Variants in SLC12A7 observed in about 807,000 individuals in gnomAD.
The protein encoded by SLC12A7 is solute carrier family 12 member 7, also known as K-Cl cotransporter 4.
In SLC12A7, 100 loss-of-function variants were observed where a neutral mutation model predicts 120.6. That is an observed-to-expected ratio of 0.83 (90% CI 0.71 to 0.98). The LOEUF (loss-of-function observed/expected upper bound fraction) is 0.98, where lower values mean the gene tolerates loss of function less well. Ranked by LOEUF, SLC12A7 falls within the 50% of genes least tolerant of loss-of-function variation. The pLI, the probability that SLC12A7 is intolerant of heterozygous loss-of-function variation, is 0.00. For synonymous variants in SLC12A7, 760 were observed against 678.0 expected (o/e 1.12, Z -1.88); for missense variants, 1,373 against 1,548.1 (o/e 0.89, Z 1.90).
At position 1,074,208 on chromosome 5, in the gene SLC12A7, G is replaced by A. The variant is rs191037412; in HGVS notation, c.2072+359C>T. The stretch of plus-strand genomic sequence containing the variant: ...GGCCCGGGGCACACCCGAGGCCCCC[G>A]CCGAGGCCCCTGAGGGGACAATGGC... On this transcript the variant is annotated intron_variant, in intron 16 of 23. Coordinates refer to ENST00000264930, the MANE Select transcript of SLC12A7 (RefSeq NM_006598.3). Among the ~76,000 whole-genome samples the A allele has an allele frequency of 2.3e-3, 341 of 151,052 alleles. 2 individuals are homozygous for A. The highest frequency in any genetic ancestry group is 7.6e-3 in the African/African-American group (311 of 41,018).
At chr5:1,133,855 G>C in the SLC12A7 span, among the ~76,000 whole-genome samples, 1 of 152,226 alleles carries the variant, frequency 6.6e-6, no homozygotes, top group East Asian at 1.9e-4. Context: ...CTGACCAACC[G>C]AGGCAGCAAC....
the SLC12A7 span, among the ~76,000 whole-genome samples, chr5:1,125,509 C>T: frequency 6.6e-6 from 1 of 152,088 alleles, no homozygotes; most frequent in Non-Finnish European, 1.5e-5. Context: ...AACTCCAAAA[C>T]AGTGGTTTTG....
chr5:1,065,281 A>C lies in SLC12A7; in HGVS notation c.2437+2T>G. ...TGCCGAAGGGCCGCCAGCCATGCCT[A>C]CCCACAAAGTTCTTCCAGGAGAAGG... On this transcript the variant is annotated splice_donor_variant, in intron 18 of 23. Transcript: ENST00000264930. LOFTEE classifies it high-confidence loss of function. 1.3e-6 allele frequency: 2 copies of C among 1,556,128 alleles called. No homozygotes were observed. Among genetic ancestry groups the C allele is most frequent in the Non-Finnish European group, 1.7e-6 (2 of 1,146,794 alleles).
At chr5:1,117,638 C>G in the SLC12A7 span, among the ~76,000 whole-genome samples, 1 of 152,192 alleles carries the variant, frequency 6.6e-6, no homozygotes, top group African/African-American at 2.4e-5. This position sits in a 1 kb window ranked among gnomAD's most constrained non-coding sequence, Gnocchi z 4.5. Flanking sequence ...GACCAATAGA[C>G]TGGCTCATCT....
At position 1,052,407 on chromosome 5, in the gene SLC12A7, G is replaced by C; in HGVS notation, c.3205C>G (p.Leu1069Val). Residue 1069 changes from leucine (L) to valine (V), a missense_variant, in exon 24 of 24, where the codon CTC becomes GTC. Leu to Val is a conservative substitution (Grantham distance 32). Coordinates refer to ENST00000264930, the MANE Select transcript of SLC12A7 (RefSeq NM_006598.3). ...EVLTEGLNRVLLVRGGGREVI... is the reference protein window; with the variant it reads ...EVLTEGLNRVVLVRGGGREVI... ...TCCCGGCCGCCACCCCTGACCAGGAGGACTCTGTTCAGCCCCTCGGTCAGG... is the reference window on the plus strand; with the variant it reads ...TCCCGGCCGCCACCCCTGACCAGGACGACTCTGTTCAGCCCCTCGGTCAGG... 3 of 1,612,980 alleles carry C rather than the reference G, an allele frequency of 1.9e-6. No homozygotes were observed. The highest frequency in any genetic ancestry group is 2.5e-6 in the Non-Finnish European group (3 of 1,180,004).
chr5:1,155,826 G>A, the SLC12A7 span, among the ~76,000 whole-genome samples: 6 of 151,226 alleles, frequency 4.0e-5, no homozygotes, highest in African/African-American at 1.5e-4. Context: ...CCCGGGCCCC[G>A]CACCCCCCGC....
chr5:1,148,733 G>A, the SLC12A7 span, among the ~76,000 whole-genome samples: 2 of 152,306 alleles, frequency 1.3e-5, no homozygotes, highest in East Asian at 3.9e-4. Context: ...GGTTGACATC[G>A]GGTTCCCTCA....
chr5:1,130,745 C>A, the SLC12A7 span, among the ~76,000 whole-genome samples: 15 of 152,178 alleles, frequency 9.9e-5, no homozygotes, highest in Non-Finnish European at 1.8e-4. Context: ...AGAGCTCCTG[C>A]CAGGGAAACC....
intron 1 of SLC12A7, among the ~76,000 whole-genome samples, chr5:1,108,019 A>AACACACATATACACAC (rs1742663301): frequency 4.8e-5 from 2 of 41,394 alleles, no homozygotes. Flanking sequence ...ACAGCATACA[A>AACACACATATACACAC]ACACACACAT....
At chr5:1,097,267 C>G (rs1741357898) in intron 1 of SLC12A7, among the ~76,000 whole-genome samples, 1 of 152,166 alleles carries the variant, frequency 6.6e-6, no homozygotes, top group South Asian at 2.1e-4. Context: ...TTCGCTCAAA[C>G]CAAGGGGACC....
intron 1 of SLC12A7, among the ~76,000 whole-genome samples, chr5:1,101,555 T>C (rs889461077): frequency 2.0e-5 from 3 of 152,214 alleles, no homozygotes; most frequent in African/African-American, 4.8e-5. Flanking sequence ...TCCTCAGCCA[T>C]GAAGGCGGCG....
the SLC12A7 span, among the ~76,000 whole-genome samples, chr5:1,130,427 AAG>A: frequency 1.3e-5 from 2 of 149,466 alleles, no homozygotes; most frequent in African/African-American, 4.9e-5. Context: ...CTGTGGGAGG[AAG>A]AGAGGCTGAA....
chr5:1,073,716 C>G lies in SLC12A7; in HGVS notation c.2158G>C (p.Ala720Pro). The G allele has an allele frequency of 6.3e-7, 1 of 1,579,966 alleles. No homozygotes were observed. The highest frequency in any genetic ancestry group is 8.6e-7 in the Non-Finnish European group (1 of 1,161,122). The change falls in exon 17 of 24, where the codon GCC becomes CCC. Residue 720 changes from alanine to proline, a missense_variant. Physicochemically the swap from Ala to Pro is conservative, Grantham distance 27 (BLOSUM62 -1). Coordinates refer to ENST00000264930, the MANE Select transcript of SLC12A7 (RefSeq NM_006598.3). ...RLLSFTSQLKAGKGLTIVGSV... is the reference protein window; with the variant it reads ...RLLSFTSQLKPGKGLTIVGSV... ...CCCACGATGGTCAGGCCCTTGCCGG[C>G]CTTCAGCTGCGACGTGAAGGACAGC...
intron 20 of SLC12A7, among the ~76,000 whole-genome samples, chr5:1,061,169 C>A: frequency 7.0e-5 from 2 of 28,560 alleles, no homozygotes; most frequent in Non-Finnish European, 2.5e-4. Flanking sequence ...CGTGCGGGAC[C>A]CCTGCGTCTC....
chr5:1,091,126 C>T (rs1187345270), intron 3 of SLC12A7, among the ~76,000 whole-genome samples: 1 of 152,224 alleles, frequency 6.6e-6, no homozygotes, highest in Non-Finnish European at 1.5e-5. Context: ...GCCTGGGGTA[C>T]CTGCATATTG....
At chr5:1,053,903 A>G (rs1735320275) in intron 22 of SLC12A7, among the ~76,000 whole-genome samples, 1 of 152,192 alleles carries the variant, frequency 6.6e-6, no homozygotes, top group African/African-American at 2.4e-5. Flanking sequence ...CATCGCCCCT[A>G]AACCCCACGT....
intron 7 of SLC12A7, 103 bp downstream of exon 7, chr5:1,085,129 C>CG (rs1739673183): frequency 6.8e-7 from 1 of 1,477,508 alleles, no homozygotes; most frequent in Admixed American, 2.0e-5. Context: ...CCACCCCTTG[C>CG]GGGGAGCTCG....
At chr5:1,139,491 G>C in the SLC12A7 span, among the ~76,000 whole-genome samples, 1 of 152,280 alleles carries the variant, frequency 6.6e-6, no homozygotes, top group Admixed American at 6.5e-5. Context: ...TTGCCGGCTT[G>C]GCCTTCTCTG....
At chr5:1,140,827 G>A in the SLC12A7 span, among the ~76,000 whole-genome samples, 18 of 152,372 alleles carry the variant, frequency 1.2e-4, no homozygotes, top group Middle Eastern at 3.4e-3. Flanking sequence ...TCACTGCACC[G>A]GCATGACAGC....
Sources: gnomAD v4.1 joint callset for allele counts (sites outside exome capture counted in the v4.1 genomes callset) on GRCh38, gnomAD v4.1.1 for gene constraint, Gnocchi (gnomAD v3.1) non-coding constraint, MANE v1.5 for transcripts, NCBI Gene and HGNC (gene_info 2026-07-23, HGNC 2026-07-21) for gene names.